Variants in RALYL observed in about 807,000 individuals in gnomAD.
RALYL encodes the protein RNA-binding Raly-like protein.
In RALYL, 29 loss-of-function variants were observed where a neutral mutation model predicts 35.1. The observed-to-expected ratio is 0.83, with a 90% confidence interval of 0.61 to 1.13. The LOEUF (loss-of-function observed/expected upper bound fraction) is 1.13, where lower values mean the gene tolerates loss of function less well. Ranked by LOEUF, RALYL falls within the 50% of genes most tolerant of loss-of-function variation. The pLI, the probability that RALYL is intolerant of heterozygous loss-of-function variation, is 0.00. For missense variants in RALYL, 359 were observed against 360.4 expected (o/e 1.00, Z 0.03); for synonymous variants, 120 against 127.6 (o/e 0.94, Z 0.40).
intron 1 of RALYL, among the ~76,000 whole-genome samples, chr8:84,404,528 A>T (rs2043259164): frequency 1.3e-5 from 2 of 152,080 alleles, no homozygotes; most frequent in South Asian, 4.1e-4. Context: ...AGCCTACTTG[A>T]TTGTGGTGGA....
intron 2 of RALYL, among the ~76,000 whole-genome samples, chr8:84,629,665 T>A (rs1823502186): frequency 6.6e-6 from 1 of 151,958 alleles, no homozygotes; most frequent in South Asian, 2.1e-4. Flanking sequence ...TGTATAATAA[T>A]ATACAATAGA....
intron 2 of RALYL, among the ~76,000 whole-genome samples, chr8:84,660,801 A>T (rs1378837622): frequency 1.3e-5 from 2 of 152,138 alleles, no homozygotes; most frequent in Non-Finnish European, 2.9e-5. Flanking sequence ...TTCATATAGA[A>T]CAAATTTTGA....
chr8:84,909,768 T>G (rs1179216492), intron 8 of RALYL, among the ~76,000 whole-genome samples: 1 of 152,084 alleles, frequency 6.6e-6, no homozygotes. Context: ...GAAAAAAATA[T>G]TTAAAGTACT....
chr8:84,301,940 A>T (rs1368160999), intron 1 of RALYL, among the ~76,000 whole-genome samples: 2 of 152,128 alleles, frequency 1.3e-5, no homozygotes, highest in African/African-American at 4.8e-5. Flanking sequence ...TTGCTAATAG[A>T]GGATTTTCAT....
At chr8:84,637,626 G>A (rs911610427) in intron 2 of RALYL, among the ~76,000 whole-genome samples, 4 of 151,846 alleles carry the variant, frequency 2.6e-5, no homozygotes, top group Non-Finnish European at 5.9e-5. Context: ...GGGGAATTTG[G>A]AGTGGAAGGC....
intron 1 of RALYL, among the ~76,000 whole-genome samples, chr8:84,372,830 ACTC>A (rs1856006232): frequency 7.6e-6 from 1 of 131,520 alleles, no homozygotes; most frequent in Non-Finnish European, 1.6e-5. Context: ...ACTAATTTAC[ACTC>A]CCACCAACAG....
At chr8:84,227,245 A>G (rs1824148367) in intron 1 of RALYL, among the ~76,000 whole-genome samples, 1 of 151,480 alleles carries the variant, frequency 6.6e-6, no homozygotes, top group Non-Finnish European at 1.5e-5. Context: ...TTTTTAGTAG[A>G]GACGGGGTTT....
chr8:84,572,284 G>C (rs750302247), intron 2 of RALYL, among the ~76,000 whole-genome samples: 1 of 151,436 alleles, frequency 6.6e-6, no homozygotes, highest in Non-Finnish European at 1.5e-5. Flanking sequence ...CTGCATTTAG[G>C]CCTTTTATGT....
At chr8:84,620,434 T>C (rs1161372175) in intron 2 of RALYL, among the ~76,000 whole-genome samples, 1 of 151,982 alleles carries the variant, frequency 6.6e-6, no homozygotes, top group African/African-American at 2.4e-5. Flanking sequence ...AGCCTTGGTT[T>C]GCAGCTCCAT....
intron 4 of RALYL, among the ~76,000 whole-genome samples, chr8:84,842,540 C>A (rs1833660810): frequency 6.6e-6 from 1 of 152,142 alleles, no homozygotes; most frequent in African/African-American, 2.4e-5. Context: ...ACCAGAGGTA[C>A]AAGGAGGAGC....
At chr8:84,788,881 G>A (rs1000443824) in intron 3 of RALYL, among the ~76,000 whole-genome samples, 10 of 152,228 alleles carry the variant, frequency 6.6e-5, no homozygotes, top group African/African-American at 2.4e-4. Context: ...TTTAAGTGGT[G>A]CAGTGGAATG....
intron 4 of RALYL, among the ~76,000 whole-genome samples, chr8:84,811,774 T>C (rs113383305): frequency 1.6e-4 from 25 of 152,334 alleles, no homozygotes; most frequent in African/African-American, 5.3e-4. Flanking sequence ...TCTTTGAACT[T>C]CAAATTTCTT....
intron 2 of RALYL, among the ~76,000 whole-genome samples, chr8:84,598,726 T>C (rs546601602): frequency 8.5e-5 from 13 of 152,290 alleles, no homozygotes; most frequent in South Asian, 2.1e-4. Context: ...AAATGTAGCA[T>C]TAAAATTATT....
At chr8:84,647,836 A>G (rs1040216471) in intron 2 of RALYL, among the ~76,000 whole-genome samples, 2 of 152,150 alleles carry the variant, frequency 1.3e-5, no homozygotes, top group African/African-American at 2.4e-5. Context: ...CAAGACAGCT[A>G]TGAAAGAGCT....
intron 2 of RALYL, among the ~76,000 whole-genome samples, chr8:84,548,321 C>T (rs1050493002): frequency 6.6e-6 from 1 of 151,996 alleles, no homozygotes; most frequent in South Asian, 2.1e-4. Flanking sequence ...TCAAATATTT[C>T]GAGTTCTGTC....
intron 1 of RALYL, among the ~76,000 whole-genome samples, chr8:84,186,662 G>A (rs1471994841): frequency 2.0e-5 from 3 of 152,086 alleles, no homozygotes; most frequent in African/African-American, 7.2e-5. Context: ...GACCAAAGAC[G>A]ATTTTAATGT....
intron 1 of RALYL, among the ~76,000 whole-genome samples, chr8:84,243,391 T>A (rs1311926889): frequency 3.9e-5 from 6 of 152,082 alleles, no homozygotes; most frequent in Admixed American, 3.9e-4. Context: ...TTAAAGTGAA[T>A]AACATTGAAT....
chr8:84,235,862 GT>G (rs1247281162), intron 1 of RALYL, among the ~76,000 whole-genome samples: 1 of 150,400 alleles, frequency 6.6e-6, no homozygotes, highest in African/African-American at 2.5e-5. Flanking sequence ...CAACTCCCTG[GT>G]TCAAGCGATT....
At chr8:84,690,849 A>T (rs1837886772) in intron 2 of RALYL, among the ~76,000 whole-genome samples, 1 of 152,030 alleles carries the variant, frequency 6.6e-6, no homozygotes, top group South Asian at 2.1e-4. Context: ...GATTATGAGG[A>T]CCCAGATTTT....
Sources: allele counts gnomAD v4.1 joint callset (sites outside exome capture counted in the v4.1 genomes callset), GRCh38; gene constraint gnomAD v4.1.1; transcripts MANE v1.5; gene names NCBI Gene and HGNC (gene_info 2026-07-23, HGNC 2026-07-21).